The following MARCHF11 variants were observed in gnomAD, a reference collection of about 807,000 sequenced individuals.
MARCHF11 encodes the protein membrane associated ring-CH-type finger 11, also known as E3 ubiquitin-protein ligase MARCHF11.
In MARCHF11, 29 loss-of-function variants were observed where a neutral mutation model predicts 37.3. The observed-to-expected ratio is 0.78, with a 90% confidence interval of 0.58 to 1.06. MARCHF11 has a LOEUF of 1.06. Ranked by LOEUF, MARCHF11 falls within the 50% of genes least tolerant of loss-of-function variation. MARCHF11 has a pLI of 0.00. For synonymous variants in MARCHF11, 233 were observed against 228.0 expected (o/e 1.02, Z -0.20); for missense variants, 482 against 533.4 (o/e 0.90, Z 0.95).
chr5:16,179,635 G>T lies in MARCHF11; in HGVS notation c.-60C>A. 1.0e-6 allele frequency: 1 copy of T among 980,666 alleles called. No homozygotes were observed. The highest frequency in any genetic ancestry group is 1.2e-6 in the Non-Finnish European group (1 of 825,120). 60.7% of individuals were successfully genotyped at this position (980,666 alleles called of 1,614,324 possible). A position where few individuals can be genotyped will look rare whatever the true frequency, so the allele number is the denominator to read the frequency against. On this transcript the variant is annotated 5_prime_UTR_variant, in exon 1 of 4. Coordinates refer to ENST00000332432, the MANE Select transcript of MARCHF11 (RefSeq NM_001102562.3). ...TGGCGGGCCGGGCTCTGGCTGCAGG[G>T]AAAGAGAGCGCGGAGGGGGCGGGAG...
At chr5:16,072,565 G>A (rs1736457193) in intron 3 of MARCHF11, among the ~76,000 whole-genome samples, 1 of 150,562 alleles carries the variant, frequency 6.6e-6, no homozygotes, top group Non-Finnish European at 1.5e-5. Flanking sequence ...CCAAGGAAAG[G>A]CCATGTGAGG....
chr5:16,133,626 C>G (rs1478992978), intron 2 of MARCHF11, among the ~76,000 whole-genome samples: 3 of 151,600 alleles, frequency 2.0e-5, no homozygotes, highest in Non-Finnish European at 2.9e-5. Context: ...TGCACATGCT[C>G]TTGCATAAAC....
chr5:16,086,370 T>A (rs1275069343), intron 3 of MARCHF11, among the ~76,000 whole-genome samples: 2 of 152,186 alleles, frequency 1.3e-5, no homozygotes, highest in East Asian at 3.8e-4. Flanking sequence ...TGGTCTTTTT[T>A]TAACTTTATA....
intron 2 of MARCHF11, among the ~76,000 whole-genome samples, chr5:16,112,543 G>A (rs1316542153): frequency 6.6e-6 from 1 of 152,204 alleles, no homozygotes; most frequent in Non-Finnish European, 1.5e-5. Context: ...TATCTAGGAA[G>A]TAACTAACTA....
At chr5:16,148,358 G>A (rs1029806143) in intron 2 of MARCHF11, among the ~76,000 whole-genome samples, 2 of 152,068 alleles carry the variant, frequency 1.3e-5, no homozygotes, top group African/African-American at 4.8e-5. Flanking sequence ...ACCAAATTCA[G>A]TGGCTACATG....
chr5:16,085,816 TG>T (rs1736687754), intron 3 of MARCHF11, among the ~76,000 whole-genome samples: 1 of 151,286 alleles, frequency 6.6e-6, no homozygotes, highest in African/African-American at 2.4e-5. Context: ...GGTGGGCGCC[TG>T]TAGTCCCAGC....
chr5:16,121,687 G>C (rs886557301), intron 2 of MARCHF11, among the ~76,000 whole-genome samples: 1 of 152,128 alleles, frequency 6.6e-6, no homozygotes, highest in African/African-American at 2.4e-5. Flanking sequence ...CAGTGTTGCT[G>C]TTCTCAACGG....
chr5:16,149,423 G>C (rs1156605095), intron 2 of MARCHF11, among the ~76,000 whole-genome samples: 2 of 152,056 alleles, frequency 1.3e-5, no homozygotes, highest in Admixed American at 6.6e-5. Flanking sequence ...AGCTACTAAA[G>C]CTCACTTACA....
At chr5:16,094,401 T>A (rs565361944) in intron 2 of MARCHF11, among the ~76,000 whole-genome samples, 31 of 152,284 alleles carry the variant, frequency 2.0e-4, no homozygotes, top group African/African-American at 6.7e-4. Flanking sequence ...TCCATAAGTT[T>A]TGGAAATAAT....
intron 2 of MARCHF11, chr5:16,141,233 G>A (rs1434657619): frequency 6.6e-6 from 1 of 152,132 alleles, no homozygotes; most frequent in Non-Finnish European, 1.5e-5. Flanking sequence ...ATAAGGTGCA[G>A]GCACACTTAC....
Position 16,179,663 on chromosome 5 carries a change from A to AGAGGGGAAAAGGAGG in MARCHF11, c.-103_-89dup, listed in dbSNP as rs1738441763. The AGAGGGGAAAAGGAGG allele has an allele frequency of 1.5e-6, 1 of 651,524 alleles. No individual in the cohort carries two copies. The highest frequency in any genetic ancestry group is 1.8e-6 in the Non-Finnish European group (1 of 552,568). 40.4% of individuals were successfully genotyped at this position (651,524 alleles called of 1,614,324 possible). A position where few individuals can be genotyped will look rare whatever the true frequency, so the allele number is the denominator to read the frequency against. On this transcript the variant is annotated 5_prime_UTR_variant, in exon 1 of 4. Coordinates refer to ENST00000332432, the MANE Select transcript of MARCHF11 (RefSeq NM_001102562.3). ...AGAGAGCGCGGAGGGGGCGGGAGGG[A>AGAGGGGAAAAGGAGG]GAGGGGAAAAGGAGGGAGGGGGCCC...
chr5:16,125,618 T>G (rs1337610453), intron 2 of MARCHF11, among the ~76,000 whole-genome samples: 1 of 106,434 alleles, frequency 9.4e-6, no homozygotes, highest in East Asian at 3.6e-4. Flanking sequence ...TGGCACACTC[T>G]CTGTGTGTGT....
intron 2 of MARCHF11, among the ~76,000 whole-genome samples, chr5:16,139,004 G>A (rs988908262): frequency 1.3e-5 from 2 of 152,210 alleles, no homozygotes; most frequent in African/African-American, 2.4e-5. Flanking sequence ...ACTTCGAACT[G>A]TAGACTTTTG....
At chr5:16,091,505 C>A (rs1736790991) in intron 2 of MARCHF11, among the ~76,000 whole-genome samples, 1 of 152,122 alleles carries the variant, frequency 6.6e-6, no homozygotes, top group South Asian at 2.1e-4. Flanking sequence ...GGAACTGTCT[C>A]TTGTTTTTGT....
Position 16,164,042 on chromosome 5 carries a change from G to A in MARCHF11, c.693+13684C>T, listed in dbSNP as rs557640515. On this transcript the variant is annotated intron_variant, in intron 2 of 3. Coordinates refer to ENST00000332432, the MANE Select transcript of MARCHF11 (RefSeq NM_001102562.3). ...TGGGCCCTCACCAGACACCAAACCT[G>A]CTAGGGGCTTGATCCTGGCTTGCCA... Among the ~76,000 whole-genome samples, 46 of 152,158 alleles carry A rather than the reference G, an allele frequency of 3.0e-4. No individual in the cohort carries two copies. The Middle Eastern group carries it at 0.01, about 34-fold the overall frequency.
intron 2 of MARCHF11, among the ~76,000 whole-genome samples, chr5:16,101,209 T>C (rs1736951334): frequency 6.6e-6 from 1 of 152,188 alleles, no homozygotes; most frequent in Non-Finnish European, 1.5e-5. Flanking sequence ...TTAGTCCAGA[T>C]TTAACAGTCT....
chr5:16,110,381 A>G (rs1202213336), intron 2 of MARCHF11, among the ~76,000 whole-genome samples: 1 of 152,184 alleles, frequency 6.6e-6, no homozygotes, highest in Non-Finnish European at 1.5e-5. Context: ...ACCGGATACA[A>G]TGCTGGAGAC....
At chr5:16,095,712 G>A (rs907550742) in intron 2 of MARCHF11, among the ~76,000 whole-genome samples, 3 of 152,062 alleles carry the variant, frequency 2.0e-5, no homozygotes, top group African/African-American at 7.3e-5. Flanking sequence ...CTCCTAAACA[G>A]GATTCTTCGA....
At chr5:16,101,937 A>T (rs926197869) in intron 2 of MARCHF11, among the ~76,000 whole-genome samples, 1 of 152,230 alleles carries the variant, frequency 6.6e-6, no homozygotes, top group Non-Finnish European at 1.5e-5. Flanking sequence ...ATTTATGCAG[A>T]ATCTTTTACA....
Sources: allele counts gnomAD v4.1 joint callset (sites outside exome capture counted in the v4.1 genomes callset), GRCh38; gene constraint gnomAD v4.1.1; transcripts MANE v1.5; gene names NCBI Gene and HGNC (gene_info 2026-07-23, HGNC 2026-07-21).